Variants in TTC39A observed in about 807,000 individuals in gnomAD.
TTC39A encodes tetratricopeptide repeat domain 39A, also known as tetratricopeptide repeat protein 39A.
Under a neutral mutation model 82.3 loss-of-function variants are expected in TTC39A, and 46 were observed. That is an observed-to-expected ratio of 0.56 (90% CI 0.44 to 0.71). TTC39A has a LOEUF of 0.71. Among genes scored for constraint, TTC39A ranks in the 30% least tolerant of loss-of-function variants. The pLI is 0.00. For missense variants in TTC39A, 543 were observed against 712.9 expected (o/e 0.76, Z 2.71); for synonymous variants, 254 against 275.2 (o/e 0.92, Z 0.76).
chr1:51,322,339 C>A, intron 1 of TTC39A: 1 of 1,337,078 alleles, frequency 7.5e-7, no homozygotes, highest in South Asian at 2.4e-5. Flanking sequence ...GGCCCAGGGC[C>A]TTTCAAATTC....
At chr1:51,325,654 CCAAGCATGCATTCT>C (rs1432547500) in intron 1 of TTC39A, among the ~76,000 whole-genome samples, 1 of 152,180 alleles carries the variant, frequency 6.6e-6, no homozygotes, top group East Asian at 1.9e-4. Context: ...GGTCACACAT[CCAAGCATGCATTCT>C]AACCCAAGTT....
In TTC39A at chr1:51,313,022, C is replaced by T; in HGVS notation, c.147-79G>A. On this transcript the variant is annotated intron_variant, in intron 2 of 17. Coordinates refer to ENST00000680483, the MANE Select transcript of TTC39A (RefSeq NM_001297663.2). ...CTGGTCCTGGGCAGCTCATCTCCACCCTCCTCCATTCTGCAGTGAGGTGAG... is the reference window on the plus strand; with the variant it reads ...CTGGTCCTGGGCAGCTCATCTCCACTCTCCTCCATTCTGCAGTGAGGTGAG... The T allele has an allele frequency of 6.4e-6, 10 of 1,552,922 alleles. No homozygotes were observed. The South Asian group carries it at 1.2e-4, about 19-fold the overall frequency.
chr1:51,323,158 A>G (rs1416542197), intron 1 of TTC39A, among the ~76,000 whole-genome samples: 1 of 150,292 alleles, frequency 6.7e-6, no homozygotes, highest in Admixed American at 6.6e-5. Context: ...AATAAGCAAC[A>G]CTCCTCTACC....
chr1:51,343,529 TG>T (rs1646062098), intron 1 of TTC39A, among the ~76,000 whole-genome samples: 1 of 152,230 alleles, frequency 6.6e-6, no homozygotes, highest in African/African-American at 2.4e-5. Flanking sequence ...CCAATTTTAC[TG>T]GGCATAACAT....
intron 8 of TTC39A, 51 bp downstream of exon 8, chr1:51,305,030 C>T (rs1644817129): frequency 1.2e-6 from 2 of 1,600,732 alleles, no homozygotes; most frequent in African/African-American, 1.3e-5. Context: ...TGCAGCCCAG[C>T]CCCAGTTCTG....
chr1:51,335,394 CAAA>C (rs1182375527), upstream of TTC39A: 17 of 94,268 alleles, frequency 1.8e-4, no homozygotes, highest in African/African-American at 5.4e-4. Flanking sequence ...ACTAAAAATA[CAAA>C]AAAAAAAAAA....
intron 1 of TTC39A, among the ~76,000 whole-genome samples, chr1:51,326,671 G>A (rs553211077): frequency 9.2e-5 from 14 of 152,204 alleles, no homozygotes; most frequent in Non-Finnish European, 1.9e-4. Context: ...ACGCAGTCAG[G>A]CTCCTCTCAG....
rs764290983 is a variant in TTC39A, at chr1:51,302,339, C to T, written c.891+18G>A. On this transcript the variant is annotated intron_variant, in intron 11 of 17. Coordinates refer to ENST00000680483, the MANE Select transcript of TTC39A (RefSeq NM_001297663.2). ...CCCCGAGGGATCCCCAGCCCCGGCC[C>T]GGACCCCCATCACTCACTGCATCAA... 1.3e-5 allele frequency: 21 copies of T among 1,591,400 alleles called. No individual in the cohort carries two copies. Among genetic ancestry groups the T allele is most frequent in the African/African-American group, 6.7e-5 (5 of 74,262 alleles).
rs59405868 is a variant in TTC39A, at chr1:51,328,519, C to A, written c.41+1918G>T. 5.2e-3 allele frequency among the ~76,000 whole-genome samples: 788 copies of A among 152,202 alleles called. 5 individuals are homozygous for A. The highest frequency in any genetic ancestry group is 0.018 in the African/African-American group (758 of 41,522). On this transcript the variant is annotated intron_variant, in intron 1 of 17. Transcript: ENST00000680483. ...TCCATTCACAGAAAACTTTGAAGAA[C>A]AAACTACATATTTTTAAGACTTACA...
At chr1:51,300,776 A>G (rs1327028471) in intron 12 of TTC39A, 2 of 151,978 alleles carry the variant, frequency 1.3e-5, no homozygotes, top group Non-Finnish European at 2.9e-5. Flanking sequence ...TGGGTGCATC[A>G]TTTTCTTCTG....
At position 51,311,278 on chromosome 1, in the gene TTC39A, C is replaced by T; in HGVS notation, c.399G>A (p.Gln133=). 6.3e-7 allele frequency: 1 copy of T among 1,587,104 alleles called. No individual in the cohort carries two copies. The highest frequency in any genetic ancestry group is 8.6e-7 in the Non-Finnish European group (1 of 1,166,896). The change falls in exon 5 of 18, where the codon CAG becomes CAA. Residue 133 remains glutamine, a synonymous_variant. Coordinates refer to ENST00000680483, the MANE Select transcript of TTC39A (RefSeq NM_001297663.2). ...CCTGCAGGAAGGTCAGGGCTGCTCG[C>T]TGCAGCAGGCACTCTGCATAGCAGA... ...AEVCYAECLL[Q]RAALTFLQDE...
chr1:51,293,722 T>C (rs186742944), intron 14 of TTC39A, among the ~76,000 whole-genome samples: 11 of 152,348 alleles, frequency 7.2e-5, no homozygotes, highest in African/African-American at 2.6e-4. Context: ...AAATCGTGCA[T>C]AGAATTAGCA....
At chr1:51,338,431 T>C (rs1645999163) in intron 1 of TTC39A, among the ~76,000 whole-genome samples, 1 of 151,754 alleles carries the variant, frequency 6.6e-6, no homozygotes, top group Non-Finnish European at 1.5e-5. Flanking sequence ...TATCTTGCAT[T>C]ACAGATCACA....
At chr1:51,319,927 T>C (rs1031826651) in intron 2 of TTC39A, among the ~76,000 whole-genome samples, 1 of 152,054 alleles carries the variant, frequency 6.6e-6, no homozygotes, top group Non-Finnish European at 1.5e-5. Context: ...TGACCTCAAA[T>C]GATCCACCCA....
chr1:51,306,368 G>A (rs149124142), intron 6 of TTC39A, among the ~76,000 whole-genome samples: 2 of 152,262 alleles, frequency 1.3e-5, no homozygotes, highest in African/African-American at 4.8e-5. Flanking sequence ...CAGCCTCCGC[G>A]CTACTGACAT....
rs999773433 is a variant in TTC39A, at chr1:51,294,928, C to T, written c.1146-417G>A. Among the ~76,000 whole-genome samples the T allele has an allele frequency of 6.6e-6, 1 of 152,246 alleles. No individual in the cohort carries two copies. The highest frequency in any genetic ancestry group is 1.5e-5 in the Non-Finnish European group (1 of 68,044). On this transcript the variant is annotated intron_variant, in intron 13 of 17. Coordinates refer to ENST00000680483, the MANE Select transcript of TTC39A (RefSeq NM_001297663.2). This position sits in a 1 kb window ranked among gnomAD's most constrained non-coding sequence, Gnocchi z 4.3. The stretch of plus-strand genomic sequence containing the variant: ...CTACCCAAGACCAAACAGCTCAAAC[C>T]CTTAATTAACTCTTGCCTCGCGAGT...
chr1:51,287,978 G>T lies in TTC39A; in HGVS notation c.*179C>A. The T allele has an allele frequency of 9.8e-7, 1 of 1,020,328 alleles. No homozygotes were observed. Among genetic ancestry groups the T allele is most frequent in the Non-Finnish European group, 1.4e-6 (1 of 719,928 alleles). The allele number at this position is 1,020,328 out of a possible 1,614,324, so 63.2% of individuals were successfully genotyped here. On this transcript the variant is annotated 3_prime_UTR_variant, in exon 18 of 18. Transcript: ENST00000680483. ...TGCTCTGCCCTTGGCAAAGGCCCTT[G>T]GCTACACTGGTGAAAATGCCAGCTC...
At chr1:51,322,252 C>T in intron 1 of TTC39A, 1 of 1,485,634 alleles carries the variant, frequency 6.7e-7, no homozygotes, top group Non-Finnish European at 9.0e-7. Context: ...CTCCTCCCTC[C>T]CCCAGGCCTG....
At chr1:51,301,443 A>T in intron 12 of TTC39A, 129 bp downstream of exon 12, 3 of 1,232,890 alleles carry the variant, frequency 2.4e-6, no homozygotes, top group Non-Finnish European at 3.3e-6. Flanking sequence ...CCTGAGTCCT[A>T]TTAGAATTTA....
Sources: allele counts gnomAD v4.1 joint callset (sites outside exome capture counted in the v4.1 genomes callset), GRCh38; gene constraint gnomAD v4.1.1; non-coding constraint Gnocchi (gnomAD v3.1); transcripts MANE v1.5; gene names NCBI Gene and HGNC (gene_info 2026-07-23, HGNC 2026-07-21).